CADM2: variants seen among roughly 807,000 people sequenced by gnomAD.
CADM2 encodes cell adhesion molecule 2.
In CADM2, 12 loss-of-function variants were observed where a neutral mutation model predicts 49.8. That is an observed-to-expected ratio of 0.24 (90% CI 0.15 to 0.39). CADM2 has a LOEUF of 0.39. Ranked by LOEUF, CADM2 falls within the 10% of genes least tolerant of loss-of-function variation. The pLI is 1.00. For missense variants in CADM2, 378 were observed against 492.3 expected, an observed-to-expected ratio of 0.77 and a Z score of 2.20; for synonymous variants, 214 against 175.4, an observed-to-expected ratio of 1.22 and a Z score of -1.74.
chr3:85,634,889 T>A (rs1576983531), intron 1 of CADM2, among the ~76,000 whole-genome samples: 1 of 60,070 alleles, frequency 1.7e-5, no homozygotes, highest in Admixed American at 2.0e-4. Flanking sequence ...AGAAAATTAA[T>A]TTTTTTTAAA....
chr3:85,735,734 T>G (rs1228726690), intron 2 of CADM2, among the ~76,000 whole-genome samples: 1 of 152,232 alleles, frequency 6.6e-6, no homozygotes, highest in Non-Finnish European at 1.5e-5. Flanking sequence ...GGAGTGTAGA[T>G]GTTTTGTTTG....
At chr3:86,010,326 CTTGT>C (rs541265243) in intron 8 of CADM2, among the ~76,000 whole-genome samples, 41 of 151,818 alleles carry the variant, frequency 2.7e-4, no homozygotes, top group South Asian at 8.3e-4. Flanking sequence ...TAGGAGTAAA[CTTGT>C]TTGTTTGTTT....
At chr3:85,080,178 G>A (rs13097560) in intron 1 of CADM2, among the ~76,000 whole-genome samples, 67,424 of 151,722 alleles carry the variant, frequency 0.44, 17,538 homozygotes, top group Non-Finnish European at 0.6. Flanking sequence ...TACCTTGGTC[G>A]GTTCTGTAGC....
intron 1 of CADM2, among the ~76,000 whole-genome samples, chr3:85,083,898 T>C (rs1201164010): frequency 6.6e-6 from 1 of 152,150 alleles, no homozygotes; most frequent in East Asian, 1.9e-4. Flanking sequence ...TAAGTTCCTA[T>C]AGAAAGAAAT....
chr3:85,778,845 C>T (rs1577292261), intron 2 of CADM2, among the ~76,000 whole-genome samples: 3 of 152,118 alleles, frequency 2.0e-5, no homozygotes, highest in African/African-American at 4.8e-5. Context: ...TCTCTATTAT[C>T]TCCTCTGACC....
chr3:85,657,679 C>G (rs2065243981), intron 1 of CADM2, among the ~76,000 whole-genome samples: 1 of 144,330 alleles, frequency 6.9e-6, no homozygotes, highest in Non-Finnish European at 1.5e-5. Context: ...TATATACACA[C>G]TTATGTATAT....
At chr3:85,420,443 G>T (rs1183674486) in intron 1 of CADM2, among the ~76,000 whole-genome samples, 1 of 152,168 alleles carries the variant, frequency 6.6e-6, no homozygotes, top group Non-Finnish European at 1.5e-5. Flanking sequence ...TTTCCATAGA[G>T]AACATGGGGT....
intron 8 of CADM2, among the ~76,000 whole-genome samples, chr3:86,017,168 GTATATATA>G (rs138958837): frequency 0.011 from 1,621 of 141,514 alleles, 18 homozygotes; most frequent in African/African-American, 0.036. Flanking sequence ...GTGTGTGTGT[GTATATATA>G]TATATATATA....
At chr3:85,930,019 T>A (rs759566023) in intron 6 of CADM2, among the ~76,000 whole-genome samples, 2 of 152,050 alleles carry the variant, frequency 1.3e-5, no homozygotes, top group Non-Finnish European at 2.9e-5. Flanking sequence ...TACTTGTGGT[T>A]AATAAAAAGG....
chr3:85,451,725 C>A (rs2037756093), intron 1 of CADM2, among the ~76,000 whole-genome samples: 1 of 152,034 alleles, frequency 6.6e-6, no homozygotes. Context: ...AGGCAGATGC[C>A]TTTAAAATGA....
chr3:85,672,957 AG>A (rs1170491459), intron 1 of CADM2, among the ~76,000 whole-genome samples: 4 of 152,322 alleles, frequency 2.6e-5, no homozygotes, highest in African/African-American at 9.6e-5. Context: ...ATGTTTCTGT[AG>A]TTTTCCCCTT....
intron 1 of CADM2, among the ~76,000 whole-genome samples, chr3:85,411,829 C>A (rs1396252889): frequency 6.6e-6 from 1 of 152,010 alleles, no homozygotes. Flanking sequence ...TGAACGATGT[C>A]ATATCATAAT....
At chr3:85,577,984 T>TTTCCTTTCTTCC (rs1553744876) in intron 1 of CADM2, among the ~76,000 whole-genome samples, 1 of 134,220 alleles carries the variant, frequency 7.5e-6, no homozygotes. Flanking sequence ...TATTAATCTC[T>TTTCCTTTCTTCC]TTCCTTCCTT....
chr3:85,350,140 G>A (rs1440330186), intron 1 of CADM2, among the ~76,000 whole-genome samples: 1 of 152,088 alleles, frequency 6.6e-6, no homozygotes, highest in Non-Finnish European at 1.5e-5. Flanking sequence ...TAGGCAGTAA[G>A]GAATTATTTT....
intron 1 of CADM2, among the ~76,000 whole-genome samples, chr3:85,386,072 G>T (rs753419845): frequency 6.6e-6 from 1 of 151,988 alleles, no homozygotes; most frequent in Non-Finnish European, 1.5e-5. Flanking sequence ...AAGGAATCTC[G>T]GCTTTCCCCT....
At chr3:85,855,563 ATATT>A (rs1363104429) in intron 3 of CADM2, among the ~76,000 whole-genome samples, 3 of 143,396 alleles carry the variant, frequency 2.1e-5, no homozygotes, top group Non-Finnish European at 4.6e-5. Context: ...TTATATATTT[ATATT>A]TATATATATA....
chr3:85,806,379 C>T (rs890982293), intron 3 of CADM2, among the ~76,000 whole-genome samples: 1 of 152,134 alleles, frequency 6.6e-6, no homozygotes, highest in African/African-American at 2.4e-5. Flanking sequence ...AGAGGCATCC[C>T]GTAGCATTTC....
At chr3:85,433,240 C>T (rs2036769032) in intron 1 of CADM2, among the ~76,000 whole-genome samples, 1 of 151,782 alleles carries the variant, frequency 6.6e-6, no homozygotes, top group South Asian at 2.1e-4. Flanking sequence ...CAAATTTAGC[C>T]AATGCCTAGG....
chr3:85,513,658 C>A (rs1576691643), intron 1 of CADM2, among the ~76,000 whole-genome samples: 1 of 151,756 alleles, frequency 6.6e-6, no homozygotes, highest in East Asian at 1.9e-4. Context: ...GTAGAAAAAA[C>A]TTTTTTGGCA....
Sources: gnomAD v4.1 joint callset for allele counts (sites outside exome capture counted in the v4.1 genomes callset) on GRCh38, gnomAD v4.1.1 for gene constraint, MANE v1.5 for transcripts, NCBI Gene and HGNC (gene_info 2026-07-23, HGNC 2026-07-21) for gene names.